Variants in CHN2 observed in about 807,000 individuals in gnomAD.
The protein encoded by CHN2 is beta-chimaerin.
Under a neutral mutation model 56.3 loss-of-function variants are expected in CHN2, and 35 were observed. The ratio of observed to expected loss-of-function variants is 0.62; its 90% CI spans 0.47 to 0.82. The LOEUF is 0.82. Ranked by LOEUF, CHN2 falls within the 40% of genes least tolerant of loss-of-function variation. CHN2 has a pLI of 0.00. For synonymous variants in CHN2, 210 were observed against 212.8 expected, an observed-to-expected ratio of 0.99 and a Z score of 0.12; for missense variants, 491 against 580.5, an observed-to-expected ratio of 0.85 and a Z score of 1.58.
chr7:29,299,221 C>T (rs573754836), intron 1 of CHN2, among the ~76,000 whole-genome samples: 13 of 152,248 alleles, frequency 8.5e-5, no homozygotes, highest in African/African-American at 2.6e-4. Context: ...GGAGTTTCTC[C>T]GGGGACCCCT....
intron 1 of CHN2, among the ~76,000 whole-genome samples, chr7:29,278,397 A>G (rs1791402026): frequency 6.6e-6 from 1 of 152,058 alleles, no homozygotes; most frequent in Non-Finnish European, 1.5e-5. Flanking sequence ...AAAAGCAGCC[A>G]TAGAAGATAC....
intron 1 of CHN2, among the ~76,000 whole-genome samples, chr7:29,223,741 A>G (rs1435560697): frequency 1.3e-5 from 2 of 152,272 alleles, no homozygotes; most frequent in South Asian, 2.1e-4. Context: ...ATATTCTTAT[A>G]TATGCACATA....
chr7:29,458,009 G>C (rs532039878), intron 6 of CHN2, among the ~76,000 whole-genome samples: 66 of 152,274 alleles, frequency 4.3e-4, no homozygotes, highest in Middle Eastern at 3.4e-3. Context: ...TAATACTACA[G>C]TTTCAATTCC....
At chr7:29,443,046 T>C (rs1404875466) in intron 6 of CHN2, among the ~76,000 whole-genome samples, 1 of 148,498 alleles carries the variant, frequency 6.7e-6, no homozygotes, top group African/African-American at 2.5e-5. Context: ...GTTCACGCCA[T>C]TCTCCTGCCT....
At chr7:29,346,917 G>C (rs558739730) in intron 1 of CHN2, among the ~76,000 whole-genome samples, 70 of 152,048 alleles carry the variant, frequency 4.6e-4, no homozygotes, top group Admixed American at 1.4e-3. Flanking sequence ...CATATTTCTG[G>C]AGCTAAAAAT....
chr7:29,242,663 C>G (rs1436423064), intron 1 of CHN2, among the ~76,000 whole-genome samples: 1 of 137,918 alleles, frequency 7.3e-6, no homozygotes, highest in East Asian at 2.1e-4. Context: ...TAATTAAGAG[C>G]AAACTTAGAT....
intron 6 of CHN2, among the ~76,000 whole-genome samples, chr7:29,409,044 T>C (rs6959646): frequency 0.45 from 68,799 of 152,118 alleles, 18,226 homozygotes; most frequent in African/African-American, 0.74. Flanking sequence ...CAGCAATGAA[T>C]CCATTGAGTC....
At chr7:29,304,375 C>T (rs1415105658) in intron 1 of CHN2, among the ~76,000 whole-genome samples, 1 of 152,154 alleles carries the variant, frequency 6.6e-6, no homozygotes, top group African/African-American at 2.4e-5. Context: ...AGCAAATAAA[C>T]ATATTCAGAG....
rs116941370 is a variant in CHN2 at position 29,418,603 on chromosome 7, G to A, written c.576+17775G>A. Among the ~76,000 whole-genome samples, 1,123 of 152,298 alleles carry A rather than the reference G, an allele frequency of 7.4e-3. 6 individuals are homozygous for A. Among genetic ancestry groups the A allele is most frequent in the Non-Finnish European group, 0.013 (857 of 68,034 alleles). ...TATCTGATTGCCCTCTGGGCTTAGC[G>A]AAAGCATACACCCCGTTGAGTATTG... On this transcript the variant is annotated intron_variant, in intron 6 of 12. Coordinates refer to ENST00000222792, the MANE Select transcript of CHN2 (RefSeq NM_004067.4).
intron 1 of CHN2, among the ~76,000 whole-genome samples, chr7:29,298,389 A>C (rs1793361755): frequency 6.6e-6 from 1 of 152,068 alleles, no homozygotes; most frequent in South Asian, 2.1e-4. Flanking sequence ...TGGGACAAAA[A>C]TGTGTTTCGG....
In CHN2 at chr7:29,513,432, T is replaced by C. The variant is rs2128607498; in HGVS notation, c.*697T>C. ...GTATGTATTTATAGCAATTGTAGGATGGTCTGAAATGTCCACACACTTTCT... is the reference window on the plus strand; with the variant it reads ...GTATGTATTTATAGCAATTGTAGGACGGTCTGAAATGTCCACACACTTTCT... On this transcript the variant is annotated 3_prime_UTR_variant, in exon 13 of 13. Transcript: ENST00000222792. 1 of 152,628 alleles carries C rather than the reference T, an allele frequency of 6.6e-6. No homozygotes were observed. Among genetic ancestry groups the C allele is most frequent in the South Asian group, 2.1e-4 (1 of 4,830 alleles). 9.5% of individuals were successfully genotyped at this position (152,628 alleles called of 1,614,324 possible). A position where few individuals can be genotyped will look rare whatever the true frequency, so the allele number is the denominator to read the frequency against.
rs201228300 is a variant in CHN2 at position 29,214,310 on chromosome 7, T to C, written c.49+19320T>C. On this transcript the variant is annotated intron_variant, in intron 1 of 12. Coordinates refer to ENST00000222792, the MANE Select transcript of CHN2 (RefSeq NM_004067.4). ...AGCAGCATCCCTCACATTTTGTTAA[T>C]GTTTTACCTCTTTTCCTATGCAGGA... Among the ~76,000 whole-genome samples the C allele has an allele frequency of 1.4e-4, 22 of 152,296 alleles. No individual in the cohort carries two copies. In the East Asian group the frequency reaches 4.0e-3, roughly 28 times the overall value.
chr7:29,423,222 C>T (rs1006763063), intron 6 of CHN2, among the ~76,000 whole-genome samples: 6 of 152,218 alleles, frequency 3.9e-5, no homozygotes, highest in Non-Finnish European at 8.8e-5. Flanking sequence ...CCAGTGATGG[C>T]CAGACTTGTC....
At chr7:29,453,431 G>A (rs1340032293) in intron 6 of CHN2, among the ~76,000 whole-genome samples, 1 of 152,202 alleles carries the variant, frequency 6.6e-6, no homozygotes, top group Non-Finnish European at 1.5e-5. Flanking sequence ...TGTCTGGGAA[G>A]GCAAGTGCAC....
intron 6 of CHN2, among the ~76,000 whole-genome samples, chr7:29,463,884 C>T (rs993440898): frequency 3.9e-5 from 6 of 152,188 alleles, no homozygotes; most frequent in Non-Finnish European, 7.3e-5. Context: ...CTGCCTGGCA[C>T]CGACATGGCT....
At chr7:29,158,791 T>C (rs1186770095) in intron 2 of CHN2, among the ~76,000 whole-genome samples, 1 of 152,200 alleles carries the variant, frequency 6.6e-6, no homozygotes, top group Non-Finnish European at 1.5e-5. Flanking sequence ...GTATTTGTGA[T>C]TTCACCCTAT....
At chr7:29,256,432 G>A (rs245976) in intron 1 of CHN2, among the ~76,000 whole-genome samples, 108,301 of 152,174 alleles carry the variant, frequency 0.71, 38,811 homozygotes, top group East Asian at 0.99. Context: ...GAAGAGCAAC[G>A]GGCATTTTTT....
chr7:29,458,974 T>C (rs917980259), intron 6 of CHN2, among the ~76,000 whole-genome samples: 4 of 152,244 alleles, frequency 2.6e-5, no homozygotes, highest in African/African-American at 9.6e-5. Flanking sequence ...AAGAACTCTG[T>C]TGCCTTGAAT....
At chr7:29,231,407 A>G (rs935989296) in intron 1 of CHN2, among the ~76,000 whole-genome samples, 2 of 152,138 alleles carry the variant, frequency 1.3e-5, no homozygotes, top group Admixed American at 6.5e-5. Flanking sequence ...TTTTTGTATA[A>G]AAGGACAGTC....
Sources: allele counts gnomAD v4.1 joint callset (sites outside exome capture counted in the v4.1 genomes callset), GRCh38; gene constraint gnomAD v4.1.1; transcripts MANE v1.5; gene names NCBI Gene and HGNC (gene_info 2026-07-23, HGNC 2026-07-21).